The following SEMA4F variants were observed in gnomAD, a reference collection of about 807,000 sequenced individuals.
SEMA4F encodes ssemaphorin 4F.
Under a neutral mutation model 78.4 loss-of-function variants are expected in SEMA4F, and 51 were observed. The ratio of observed to expected loss-of-function variants is 0.65; its 90% CI spans 0.52 to 0.82. The LOEUF (loss-of-function observed/expected upper bound fraction) is 0.82, where lower values mean the gene tolerates loss of function less well. SEMA4F is among the 40% of genes least tolerant of loss of function. The pLI is 0.00. For synonymous variants in SEMA4F, 418 were observed against 408.7 expected, an observed-to-expected ratio of 1.02 and a Z score of -0.27; for missense variants, 938 against 1,014.4, an observed-to-expected ratio of 0.92 and a Z score of 1.02.
At chr2:74,702,322 C>T in the SEMA4F span, among the ~76,000 whole-genome samples, 3 of 152,202 alleles carry the variant, frequency 2.0e-5, no homozygotes, top group Admixed American at 2.0e-4. Context: ...GCCCTGAAAC[C>T]TGTTCTATCT....
rs1029273187 is a variant in SEMA4F, at chr2:74,672,502, T to C, written c.551-955T>C. Among the ~76,000 whole-genome samples the C allele has an allele frequency of 3.9e-5, 6 of 152,300 alleles. No individual in the cohort carries two copies. In the South Asian group the frequency reaches 1.2e-3, roughly 32 times the overall value. On this transcript the variant is annotated intron_variant, in intron 5 of 13. Transcript: ENST00000357877. ...TTGTACATAGTAGCTGGTGAAGGCA[T>C]GCAACCTTGTTCTCTCCAGAGTGCC...
chr2:74,692,683 AC>A, the SEMA4F span, among the ~76,000 whole-genome samples: 711 of 152,320 alleles, frequency 4.7e-3, 2 homozygotes, highest in Admixed American at 8.4e-3. Flanking sequence ...GGCCATGGTC[AC>A]CTGGGAAATC....
rs763470612 is a variant in SEMA4F, at chr2:74,654,557, GCCCACA to G, written c.145+54_145+59del. The G allele has an allele frequency of 2.3e-5, 35 of 1,507,184 alleles. 1 individual carries two copies. Among genetic ancestry groups the G allele is most frequent in the African/African-American group, 5.8e-5 (4 of 69,326 alleles). 93.4% of individuals were successfully genotyped at this position (1,507,184 alleles called of 1,614,324 possible). A position where few individuals can be genotyped will look rare whatever the true frequency, so the allele number is the denominator to read the frequency against. ...GACGCCCACGCCCTCAGCCCTTCGC[GCCCACA>G]CCCACACCCACACCCACCTGCTCCT... On this transcript the variant is annotated intron_variant, in intron 1 of 13. Coordinates refer to ENST00000357877, the MANE Select transcript of SEMA4F (RefSeq NM_004263.5).
Position 74,658,246 on chromosome 2 carries a change from AAAC to A in SEMA4F, c.456+301_456+303del, listed in dbSNP as rs1449098377. Among the ~76,000 whole-genome samples, 4 of 152,164 alleles carry A rather than the reference AAAC, an allele frequency of 2.6e-5. No homozygotes were observed. The highest frequency in any genetic ancestry group is 5.9e-5 in the Non-Finnish European group (4 of 68,032). ...GTTAGGGATGCTGGTTGGGCTGGGG[AAAC>A]AACAAATCCAGGGAGAGACTTCAGA... On this transcript the variant is annotated intron_variant, in intron 4 of 13. Transcript: ENST00000357877. The surrounding 1 kb of genome is among the most constrained non-coding windows in gnomAD (Gnocchi z 4.3).
chr2:74,703,115 G>A, the SEMA4F span, among the ~76,000 whole-genome samples: 1 of 152,068 alleles, frequency 6.6e-6, no homozygotes, highest in Non-Finnish European at 1.5e-5. Context: ...CCTTCTATTG[G>A]GGGTCATATA....
chr2:74,656,333 G>A (rs1174816513), intron 1 of SEMA4F, among the ~76,000 whole-genome samples: 3 of 152,094 alleles, frequency 2.0e-5, no homozygotes, highest in Non-Finnish European at 4.4e-5. Flanking sequence ...TATAGAAAAA[G>A]CATACTTACC....
chr2:74,686,056 A>G (rs1368577177), downstream of SEMA4F, among the ~76,000 whole-genome samples: 1 of 152,168 alleles, frequency 6.6e-6, no homozygotes, highest in Non-Finnish European at 1.5e-5. Context: ...AAAGTCAGGA[A>G]ACAACAGATG....
At chr2:74,673,059 A>T (rs954185165) in intron 5 of SEMA4F, among the ~76,000 whole-genome samples, 1 of 152,160 alleles carries the variant, frequency 6.6e-6, no homozygotes, top group African/African-American at 2.4e-5. Context: ...CATTTACCAT[A>T]GTGGGACAAC....
rs746662466 is a variant in SEMA4F at position 74,680,707 on chromosome 2, T to G, written c.*498T>G. 35 of 154,052 alleles carry G rather than the reference T, an allele frequency of 2.3e-4. No individual in the cohort carries two copies. The highest frequency in any genetic ancestry group is 4.0e-4 in the Non-Finnish European group (28 of 69,346). The allele number at this position is 154,052 out of a possible 1,614,324, so 9.5% of individuals were successfully genotyped here. On this transcript the variant is annotated 3_prime_UTR_variant, in exon 14 of 14. Coordinates refer to ENST00000357877, the MANE Select transcript of SEMA4F (RefSeq NM_004263.5). Reference sequence around the variant, plus strand: ...AATATGGAGTCTCTGCCCTGAGATCTTCCCCATCTCAGTTTTCCTTCCATG... The same window carrying G: ...AATATGGAGTCTCTGCCCTGAGATCGTCCCCATCTCAGTTTTCCTTCCATG...
In SEMA4F at chr2:74,657,990, C is replaced by T. The variant is rs145306899; in HGVS notation, c.456+39C>T. ...TGGGAGGAGAGGGAGAGGGTGCCTGCACCAGTGTGAGTTACTTGGGGTGGT... is the reference window on the plus strand; with the variant it reads ...TGGGAGGAGAGGGAGAGGGTGCCTGTACCAGTGTGAGTTACTTGGGGTGGT... On this transcript the variant is annotated intron_variant, in intron 4 of 13. Transcript: ENST00000357877. 33 of 1,573,624 alleles carry T rather than the reference C, an allele frequency of 2.1e-5. No homozygotes were observed. In the Middle Eastern group the frequency reaches 5.0e-4, roughly 24 times the overall value.
At chr2:74,667,595 T>C (rs1684760589) in intron 5 of SEMA4F, among the ~76,000 whole-genome samples, 1 of 152,262 alleles carries the variant, frequency 6.6e-6, no homozygotes, top group African/African-American at 2.4e-5. Flanking sequence ...CGAAATCTTA[T>C]TTTCAAATAC....
At chr2:74,703,479 A>G in the SEMA4F span, among the ~76,000 whole-genome samples, 2 of 152,250 alleles carry the variant, frequency 1.3e-5, no homozygotes, top group African/African-American at 4.8e-5. Context: ...GCCGCGAAAT[A>G]GTGAAGCAAG....
At position 74,676,079 on chromosome 2, in the gene SEMA4F, G is replaced by T. The variant is rs533062671; in HGVS notation, c.1643+170G>T. Among the ~76,000 whole-genome samples the T allele has an allele frequency of 2.0e-5, 3 of 152,310 alleles. No homozygotes were observed. In the East Asian group the frequency reaches 5.8e-4, roughly 29 times the overall value. On this transcript the variant is annotated intron_variant, in intron 12 of 13. Coordinates refer to ENST00000357877, the MANE Select transcript of SEMA4F (RefSeq NM_004263.5). ...TCTGTCAGTCCATACTAGCTCATCT[G>T]TTTGTCCATCTAGTGCTACCTCATC...
intron 12 of SEMA4F, among the ~76,000 whole-genome samples, chr2:74,677,009 C>T (rs1317985191): frequency 1.3e-5 from 2 of 152,160 alleles, no homozygotes; most frequent in Non-Finnish European, 2.9e-5. Flanking sequence ...TCAAGCGATT[C>T]TCCTGCCTCA....
chr2:74,707,644 A>G, the SEMA4F span, among the ~76,000 whole-genome samples: 1 of 152,218 alleles, frequency 6.6e-6, no homozygotes, highest in Non-Finnish European at 1.5e-5. Context: ...GGTTTTCAAG[A>G]CATGGACATC....
chr2:74,676,089 C>G (rs189899716), intron 12 of SEMA4F, among the ~76,000 whole-genome samples, 180 bp downstream of exon 12: 3 of 152,364 alleles, frequency 2.0e-5, no homozygotes, highest in African/African-American at 7.2e-5. Context: ...GTTTGTCCAT[C>G]TAGTGCTACC....
chr2:74,675,990 T>C, intron 12 of SEMA4F, 81 bp downstream of exon 12: 1 of 1,460,660 alleles, frequency 6.8e-7, no homozygotes, highest in East Asian at 2.3e-5. Flanking sequence ...CATCTGTTAA[T>C]GCTGCCCTGC....
chr2:74,670,227 G>A (rs1038441243), intron 5 of SEMA4F, among the ~76,000 whole-genome samples: 5 of 152,210 alleles, frequency 3.3e-5, no homozygotes, highest in Non-Finnish European at 5.9e-5. Flanking sequence ...TCCAGGACAT[G>A]TGATCTTGTG....
In SEMA4F at chr2:74,679,805, CATGTGGTAGCAGCTT is replaced by C; in HGVS notation, c.1911_1925del (p.Val638_Tyr642del). ...TGAATGTCAGGAGGGTGGGGCAGCC[CATGTGGTAGCAGCTT>C]ACAGCTTGGTATGGGGCAGCCAGCG... On this transcript the variant is annotated inframe_deletion, in exon 14 of 14. Transcript: ENST00000357877. The C allele has an allele frequency of 6.2e-7, 1 of 1,614,188 alleles. No individual in the cohort carries two copies. The highest frequency in any genetic ancestry group is 8.5e-7 in the Non-Finnish European group (1 of 1,180,020).
Sources: gnomAD v4.1 joint callset for allele counts (sites outside exome capture counted in the v4.1 genomes callset) on GRCh38, gnomAD v4.1.1 for gene constraint, Gnocchi (gnomAD v3.1) non-coding constraint, MANE v1.5 for transcripts, NCBI Gene and HGNC (gene_info 2026-07-23, HGNC 2026-07-21) for gene names.